The following KCNQ5 variants were observed in gnomAD, a reference collection of about 807,000 sequenced individuals.
The protein encoded by KCNQ5 is potassium voltage-gated channel subfamily KQT member 5.
KCNQ5 carries 30 observed loss-of-function variants against 98.2 expected under a neutral mutation model. The observed-to-expected ratio is 0.31, with a 90% CI of 0.23 to 0.41. KCNQ5 has a LOEUF of 0.41. Ranked by LOEUF, KCNQ5 falls within the 10% of genes least tolerant of loss-of-function variation. The pLI is 1.00. For missense variants in KCNQ5, 835 were observed against 1,182.5 expected (o/e 0.71, Z 4.31); for synonymous variants, 458 against 449.4 (o/e 1.02, Z -0.24).
intron 1 of KCNQ5, among the ~76,000 whole-genome samples, chr6:72,670,666 G>T (rs577460621): frequency 2.6e-5 from 4 of 152,188 alleles, no homozygotes; most frequent in Admixed American, 6.5e-5. Context: ...CAGCCAGTTC[G>T]GTTCTTGGCT....
At chr6:72,899,410 T>G (rs1006736620) in intron 1 of KCNQ5, among the ~76,000 whole-genome samples, 1 of 152,176 alleles carries the variant, frequency 6.6e-6, no homozygotes, top group African/African-American at 2.4e-5. Context: ...CGTTTACTAA[T>G]GATAGAATTA....
chr6:72,795,869 A>G (rs1220002056), intron 1 of KCNQ5, among the ~76,000 whole-genome samples: 1 of 151,950 alleles, frequency 6.6e-6, no homozygotes, highest in Non-Finnish European at 1.5e-5. Flanking sequence ...AGTAATTCTA[A>G]CTTCTTTTTG....
At chr6:72,754,043 G>C (rs1771828839) in intron 1 of KCNQ5, among the ~76,000 whole-genome samples, 3 of 151,888 alleles carry the variant, frequency 2.0e-5, no homozygotes, top group Admixed American at 2.0e-4. Context: ...TATTATGTTG[G>C]TTAGAACCTT....
intron 1 of KCNQ5, among the ~76,000 whole-genome samples, chr6:72,884,153 A>T (rs1778759548): frequency 6.6e-6 from 1 of 152,188 alleles, no homozygotes; most frequent in Non-Finnish European, 1.5e-5. Flanking sequence ...TTATTTGACC[A>T]AAAAATTTTA....
At chr6:72,959,411 T>C (rs1767233298) in intron 1 of KCNQ5, among the ~76,000 whole-genome samples, 1 of 152,198 alleles carries the variant, frequency 6.6e-6, no homozygotes, top group South Asian at 2.1e-4. Flanking sequence ...CTAAGGAACA[T>C]AGCTCCTAAT....
At chr6:72,933,310 C>T (rs894922884) in intron 1 of KCNQ5, among the ~76,000 whole-genome samples, 15 of 152,088 alleles carry the variant, frequency 9.9e-5, no homozygotes, top group African/African-American at 2.7e-4. Context: ...CTTTCCTGGC[C>T]GGAATGTTTT....
chr6:72,910,176 T>C (rs1779872877), intron 1 of KCNQ5, among the ~76,000 whole-genome samples: 1 of 152,130 alleles, frequency 6.6e-6, no homozygotes, highest in African/African-American at 2.4e-5. Context: ...ATAATGATAA[T>C]CTGATTATTA....
chr6:72,898,450 T>C (rs1243425746), intron 1 of KCNQ5, among the ~76,000 whole-genome samples: 1 of 152,194 alleles, frequency 6.6e-6, no homozygotes, highest in Non-Finnish European at 1.5e-5. Context: ...CCTGTGTTAG[T>C]TTGCTGAGAA....
chr6:73,188,356 A>G (rs2150521887), intron 11 of KCNQ5, among the ~76,000 whole-genome samples: 1 of 152,374 alleles, frequency 6.6e-6, no homozygotes, highest in East Asian at 1.9e-4. Context: ...CAAGTGGTAG[A>G]CAGATGTTAT....
In KCNQ5 at chr6:72,767,972, C is replaced by A. The variant is rs529487982; in HGVS notation, c.398+145385C>A. On this transcript the variant is annotated intron_variant, in intron 1 of 13. Transcript: ENST00000370398. ...TTAAATTTAATGTTACCATATGACC[C>A]AGCAATTCCACTAATAGACATATAT... 4.6e-5 allele frequency among the ~76,000 whole-genome samples: 7 copies of A among 152,126 alleles called. No individual in the cohort carries two copies. The South Asian group carries it at 1.5e-3, about 32-fold the overall frequency.
intron 1 of KCNQ5, among the ~76,000 whole-genome samples, chr6:72,936,766 T>G (rs1209087075): frequency 6.6e-6 from 1 of 152,246 alleles, no homozygotes; most frequent in African/African-American, 2.4e-5. Context: ...TCTTGGCTTT[T>G]GTCAAAATCT....
intron 1 of KCNQ5, among the ~76,000 whole-genome samples, chr6:72,907,993 A>G (rs1779772208): frequency 6.6e-6 from 1 of 152,124 alleles, no homozygotes; most frequent in Non-Finnish European, 1.5e-5. Flanking sequence ...TCTTTTCTTA[A>G]GAAATTAGCA....
At chr6:73,100,354 T>C (rs1362925058) in intron 5 of KCNQ5, among the ~76,000 whole-genome samples, 2 of 151,918 alleles carry the variant, frequency 1.3e-5, no homozygotes, top group East Asian at 1.9e-4. Context: ...ATAAATGAAA[T>C]TGAAACAAAG....
chr6:72,833,695 G>GAATT (rs1776384158), intron 1 of KCNQ5, among the ~76,000 whole-genome samples: 1 of 151,902 alleles, frequency 6.6e-6, no homozygotes, highest in Admixed American at 6.6e-5. Flanking sequence ...GTTTTCACTG[G>GAATT]AATTAAGTTA....
At chr6:72,916,773 C>A (rs529445614) in intron 1 of KCNQ5, among the ~76,000 whole-genome samples, 3 of 151,670 alleles carry the variant, frequency 2.0e-5, no homozygotes, top group Admixed American at 2.0e-4. Context: ...TTTTATATAC[C>A]CCCCCAAAAA....
intron 1 of KCNQ5, among the ~76,000 whole-genome samples, chr6:72,680,223 A>G (rs1228427364): frequency 6.6e-6 from 1 of 152,036 alleles, no homozygotes; most frequent in African/African-American, 2.4e-5. Context: ...GTAACCTTCT[A>G]TCCATTTTTT....
intron 1 of KCNQ5, chr6:72,678,435 C>T (rs1024971092): frequency 6.6e-6 from 1 of 152,036 alleles, no homozygotes; most frequent in African/African-American, 2.4e-5. Flanking sequence ...ATCAGATAGA[C>T]CCCAGGGCTT....
At chr6:72,938,889 T>G (rs1766087289) in intron 1 of KCNQ5, among the ~76,000 whole-genome samples, 1 of 152,176 alleles carries the variant, frequency 6.6e-6, no homozygotes, top group South Asian at 2.1e-4. Context: ...TAATTGAAAC[T>G]TCAAGTGATT....
intron 1 of KCNQ5, among the ~76,000 whole-genome samples, chr6:72,885,535 C>T (rs1403794135): frequency 6.6e-6 from 1 of 152,114 alleles, no homozygotes; most frequent in East Asian, 1.9e-4. Context: ...ATGAGAAGGA[C>T]TTACCTTTCT....
Sources: allele counts gnomAD v4.1 joint callset (sites outside exome capture counted in the v4.1 genomes callset), GRCh38; gene constraint gnomAD v4.1.1; transcripts MANE v1.5; gene names NCBI Gene and HGNC (gene_info 2026-07-23, HGNC 2026-07-21).